Variants in TCF12 observed in about 807,000 individuals in gnomAD.
TCF12 encodes DNA-binding protein HTF4.
In TCF12, 45 loss-of-function variants were observed where a neutral mutation model predicts 86.0. The observed-to-expected ratio is 0.52, with a 90% CI of 0.41 to 0.67. TCF12 has a LOEUF of 0.67. Ranked by LOEUF, TCF12 falls within the 30% of genes least tolerant of loss-of-function variation. The pLI, the probability that TCF12 is intolerant of heterozygous loss-of-function variation, is 0.00. For missense variants in TCF12, 881 were observed against 859.9 expected, an observed-to-expected ratio of 1.02 and a Z score of -0.31; for synonymous variants, 330 against 299.6, an observed-to-expected ratio of 1.10 and a Z score of -1.05.
intron 6 of TCF12, among the ~76,000 whole-genome samples, chr15:57,176,628 T>C (rs2055931925): frequency 1.3e-5 from 2 of 152,204 alleles, no homozygotes; most frequent in African/African-American, 4.8e-5. Context: ...AGAAGTTATA[T>C]AATTCACCCA....
chr15:57,154,345 G>A (rs979092379), intron 5 of TCF12, among the ~76,000 whole-genome samples: 1 of 152,120 alleles, frequency 6.6e-6, no homozygotes, highest in Non-Finnish European at 1.5e-5. Context: ...TCCCCCGTGA[G>A]CTTCAAACAA....
intron 12 of TCF12, among the ~76,000 whole-genome samples, chr15:57,235,382 A>G (rs995836335): frequency 6.6e-6 from 1 of 152,302 alleles, no homozygotes; most frequent in Non-Finnish European, 1.5e-5. Flanking sequence ...AGAAAGATTA[A>G]GCAGCTCGCC....
chr15:57,219,598 T>G, intron 8 of TCF12: 1 of 1,609,608 alleles, frequency 6.2e-7, no homozygotes, highest in Non-Finnish European at 8.5e-7. Flanking sequence ...ACGGTAAGCC[T>G]TTTTCTTTGT....
chr15:57,147,661 A>G (rs989217326), intron 5 of TCF12, among the ~76,000 whole-genome samples: 2 of 152,174 alleles, frequency 1.3e-5, no homozygotes, highest in African/African-American at 4.8e-5. Flanking sequence ...AGAGACAGTC[A>G]CAGGAACAGA....
intron 4 of TCF12, among the ~76,000 whole-genome samples, chr15:57,071,391 T>C (rs2069366873): frequency 6.6e-6 from 1 of 151,866 alleles, no homozygotes; most frequent in African/African-American, 2.4e-5. Flanking sequence ...ACACCTGTAA[T>C]CCCAGCACTT....
At chr15:57,263,326 ATACT>A in intron 18 of TCF12, 52 bp downstream of exon 18, 1 of 1,550,120 alleles carries the variant, frequency 6.5e-7, no homozygotes, top group Non-Finnish European at 8.7e-7. Flanking sequence ...ATAGGTAAAC[ATACT>A]TGAGAAGCTG....
chr15:57,243,268 G>A (rs191007921), intron 12 of TCF12, among the ~76,000 whole-genome samples: 1 of 151,964 alleles, frequency 6.6e-6, no homozygotes, highest in Admixed American at 6.6e-5. Context: ...TATTCCTCTC[G>A]TATTAGACTA....
intron 6 of TCF12, among the ~76,000 whole-genome samples, chr15:57,179,215 C>T (rs1470104515): frequency 6.6e-6 from 1 of 151,942 alleles, no homozygotes; most frequent in Admixed American, 6.6e-5. Context: ...TGACTGGGCA[C>T]GGGACTCATG....
intron 3 of TCF12, among the ~76,000 whole-genome samples, chr15:57,034,202 T>C (rs1285543791): frequency 6.6e-6 from 1 of 152,220 alleles, no homozygotes; most frequent in African/African-American, 2.4e-5. Flanking sequence ...AGATTTTACT[T>C]GAGTCACTGA....
intron 5 of TCF12, among the ~76,000 whole-genome samples, chr15:57,095,298 C>T (rs1307961064): frequency 1.3e-5 from 2 of 152,140 alleles, no homozygotes; most frequent in Non-Finnish European, 2.9e-5. Flanking sequence ...AAGCTTCTTC[C>T]AGCTCTGGTC....
At chr15:57,170,763 ATATATAT>A (rs2055397487) in intron 6 of TCF12, among the ~76,000 whole-genome samples, 2 of 13,192 alleles carry the variant, frequency 1.5e-4, no homozygotes, top group Non-Finnish European at 2.5e-4. Flanking sequence ...TATATATTAT[ATATATAT>A]TATATATAAT....
At chr15:57,064,954 G>C (rs1238025652) in intron 4 of TCF12, among the ~76,000 whole-genome samples, 1 of 152,138 alleles carries the variant, frequency 6.6e-6, no homozygotes, top group Non-Finnish European at 1.5e-5. Flanking sequence ...GCCTTAATGG[G>C]AGGAAAACTG....
intron 13 of TCF12, among the ~76,000 whole-genome samples, chr15:57,249,525 A>G (rs2060012487): frequency 6.6e-6 from 1 of 152,150 alleles, no homozygotes; most frequent in Middle Eastern, 3.2e-3. Flanking sequence ...TAATCAGGTT[A>G]TGAAGAATCT....
At chr15:57,098,090 C>G (rs1170342470) in intron 5 of TCF12, among the ~76,000 whole-genome samples, 1 of 149,638 alleles carries the variant, frequency 6.7e-6, no homozygotes, top group African/African-American at 2.5e-5. Context: ...GAGGCTGAGG[C>G]AGGAGAATTG....
At chr15:57,191,119 AAG>A (rs1343059484) in intron 6 of TCF12, among the ~76,000 whole-genome samples, 1 of 152,182 alleles carries the variant, frequency 6.6e-6, no homozygotes, top group Non-Finnish European at 1.5e-5. Context: ...AGTGTTAAAA[AAG>A]AGATGGTGAG....
chr15:57,261,372 A>G (rs2060577401), intron 16 of TCF12, among the ~76,000 whole-genome samples: 2 of 152,110 alleles, frequency 1.3e-5, no homozygotes, highest in Admixed American at 1.3e-4. Context: ...TCACAGAAAA[A>G]CCAAAGGATA....
chr15:57,103,770 T>G (rs1429168459), intron 5 of TCF12, among the ~76,000 whole-genome samples: 1 of 152,102 alleles, frequency 6.6e-6, no homozygotes, highest in Non-Finnish European at 1.5e-5. Context: ...CCTTTCAGAC[T>G]GGGAGAGGTG....
At chr15:57,000,121 T>G (rs1310939235) in intron 3 of TCF12, among the ~76,000 whole-genome samples, 1 of 152,162 alleles carries the variant, frequency 6.6e-6, no homozygotes, top group African/African-American at 2.4e-5. Flanking sequence ...ATACTTAAAA[T>G]CTGTGAGCAA....
At chr15:57,107,181 T>C (rs563325887) in intron 5 of TCF12, among the ~76,000 whole-genome samples, 3 of 152,040 alleles carry the variant, frequency 2.0e-5, no homozygotes, top group Non-Finnish European at 4.4e-5. Context: ...CTTCAGTAGG[T>C]GAATGGATAA....
Sources: allele counts gnomAD v4.1 joint callset (sites outside exome capture counted in the v4.1 genomes callset), GRCh38; gene constraint gnomAD v4.1.1; transcripts MANE v1.5; gene names NCBI Gene and HGNC (gene_info 2026-07-23, HGNC 2026-07-21).